The following GPR55 variants were observed in gnomAD, a reference collection of about 807,000 sequenced individuals.
GPR55 encodes G protein-coupled receptor 55.
GPR55 carries 6 observed loss-of-function variants against 7.9 expected under a neutral mutation model. The ratio of observed to expected loss-of-function variants is 0.76; its 90% CI spans 0.41 to 1.49. GPR55 has a LOEUF of 1.49. GPR55 is among the 40% of genes most tolerant of loss of function. The pLI is 0.01. For synonymous variants in GPR55, 183 were observed against 166.8 expected (o/e 1.10, Z -0.75); for missense variants, 376 against 406.0 (o/e 0.93, Z 0.63).
chr2:230,942,749 G>A (rs1294207828), intron 1 of GPR55, among the ~76,000 whole-genome samples: 1 of 151,910 alleles, frequency 6.6e-6, no homozygotes, highest in Non-Finnish European at 1.5e-5. Context: ...AGAAGGGCCC[G>A]ATGGGGAGGG....
At chr2:230,949,389 C>T (rs946789437) in intron 1 of GPR55, among the ~76,000 whole-genome samples, 1 of 152,178 alleles carries the variant, frequency 6.6e-6, no homozygotes, top group African/African-American at 2.4e-5. Flanking sequence ...GTTTCGAACT[C>T]CTGAACTTGC....
intron 1 of GPR55, among the ~76,000 whole-genome samples, chr2:230,917,110 T>A (rs1690734023): frequency 1.3e-5 from 2 of 152,198 alleles, no homozygotes. Context: ...AGAAGCTTAT[T>A]TTTATAGAAT....
At chr2:230,920,990 C>A (rs532417635) in intron 1 of GPR55, among the ~76,000 whole-genome samples, 1 of 152,050 alleles carries the variant, frequency 6.6e-6, no homozygotes, top group East Asian at 1.9e-4. Context: ...AAAATGATAG[C>A]ATAATCTTTG....
At chr2:230,913,742 C>T (rs193267935) in intron 1 of GPR55, among the ~76,000 whole-genome samples, 11 of 152,232 alleles carry the variant, frequency 7.2e-5, no homozygotes, top group Admixed American at 6.5e-5. Context: ...TAGCTTGGAA[C>T]TCACAAGGCA....
intron 1 of GPR55, among the ~76,000 whole-genome samples, chr2:230,948,100 G>T (rs6714253): frequency 6.6e-6 from 1 of 151,150 alleles, no homozygotes; most frequent in Non-Finnish European, 1.5e-5. Flanking sequence ...TGCCACCGCC[G>T]CCCACCCCCT....
chr2:230,947,630 C>G (rs557022278), intron 1 of GPR55, among the ~76,000 whole-genome samples: 1 of 151,526 alleles, frequency 6.6e-6, no homozygotes, highest in Non-Finnish European at 1.5e-5. Flanking sequence ...CAGCCTCCCA[C>G]GTAGCTGGGA....
At chr2:230,947,161 G>T (rs912237546) in intron 1 of GPR55, among the ~76,000 whole-genome samples, 5 of 152,160 alleles carry the variant, frequency 3.3e-5, no homozygotes, top group Non-Finnish European at 7.3e-5. Flanking sequence ...CTATGGGTGT[G>T]GGAACCTGCC....
chr2:230,949,187 G>A (rs1386563698), intron 1 of GPR55, among the ~76,000 whole-genome samples: 4 of 142,752 alleles, frequency 2.8e-5, no homozygotes, highest in Admixed American at 2.1e-4. Flanking sequence ...TCTTTGAGAC[G>A]GAGTTTCACT....
chr2:230,949,157 G>GTTTGTTTT (rs1011074602), intron 1 of GPR55, among the ~76,000 whole-genome samples: 1 of 151,596 alleles, frequency 6.6e-6, no homozygotes, highest in African/African-American at 2.4e-5. Flanking sequence ...CTCTTTTTTT[G>GTTTGTTTT]TTTGTTTGTT....
At chr2:230,951,033 C>A (rs905158873) in intron 1 of GPR55, among the ~76,000 whole-genome samples, 2 of 152,174 alleles carry the variant, frequency 1.3e-5, no homozygotes, top group Non-Finnish European at 2.9e-5. Context: ...TCCTTTGTAA[C>A]ATCCTTTAGA....
chr2:230,913,678 T>A (rs1690646163), intron 1 of GPR55, among the ~76,000 whole-genome samples: 1 of 152,158 alleles, frequency 6.6e-6, no homozygotes, highest in Non-Finnish European at 1.5e-5. Context: ...GGTGGCCGCC[T>A]CCTCACTAAA....
chr2:230,930,536 C>T (rs1376917484), intron 1 of GPR55, among the ~76,000 whole-genome samples: 1 of 151,466 alleles, frequency 6.6e-6, no homozygotes, highest in Non-Finnish European at 1.5e-5. Flanking sequence ...CTGCAACCTT[C>T]GTTTCCTGGG....
At chr2:230,915,617 AT>A (rs1213208160) in intron 1 of GPR55, among the ~76,000 whole-genome samples, 1 of 152,226 alleles carries the variant, frequency 6.6e-6, no homozygotes, top group Non-Finnish European at 1.5e-5. Context: ...ATGAAGCGCC[AT>A]GTTTCATGCA....
intron 1 of GPR55, among the ~76,000 whole-genome samples, chr2:230,915,232 C>T (rs1003759199): frequency 1.3e-5 from 2 of 152,160 alleles, no homozygotes; most frequent in African/African-American, 4.8e-5. Flanking sequence ...TCTGGAATTC[C>T]GGGGAGGTCT....
chr2:230,913,497 A>G lies in GPR55; in HGVS notation c.-134-2401T>C, dbSNP rs901706901. ...GATTTGGTGGCTTTCCAAAGATTCT[A>G]TGGTTTCCAATGTGTTAACTTTTCT... On this transcript the variant is annotated intron_variant, in intron 1 of 1. Coordinates refer to ENST00000650999, the MANE Select transcript of GPR55 (RefSeq NM_005683.4). 9.2e-5 allele frequency among the ~76,000 whole-genome samples: 14 copies of G among 152,340 alleles called. No individual in the cohort carries two copies. In the East Asian group the frequency reaches 9.6e-4, roughly 10 times the overall value.
At chr2:230,941,103 C>A (rs1008271727) in intron 1 of GPR55, among the ~76,000 whole-genome samples, 1 of 151,384 alleles carries the variant, frequency 6.6e-6, no homozygotes, top group East Asian at 2.0e-4. Flanking sequence ...GGCGACAGAG[C>A]AAGACTCCAT....
chr2:230,926,942 C>T (rs534462390), upstream of GPR55, among the ~76,000 whole-genome samples: 17 of 152,168 alleles, frequency 1.1e-4, no homozygotes, highest in South Asian at 3.1e-3. Context: ...TCACCCACCT[C>T]GGCCTCCCAA....
chr2:230,929,297 G>T (rs917688177), upstream of GPR55, among the ~76,000 whole-genome samples: 5 of 152,136 alleles, frequency 3.3e-5, no homozygotes, highest in Admixed American at 3.3e-4. Context: ...AAGACAGGAA[G>T]GTGCGTGCCC....
intron 1 of GPR55, among the ~76,000 whole-genome samples, chr2:230,922,378 A>ATTTG (rs1381525306): frequency 6.6e-6 from 1 of 151,436 alleles, no homozygotes; most frequent in Non-Finnish European, 1.5e-5. Context: ...CAATGTGCTG[A>ATTTG]TTTGTTTGTT....
Sources: gnomAD v4.1 joint callset for allele counts (sites outside exome capture counted in the v4.1 genomes callset) on GRCh38, gnomAD v4.1.1 for gene constraint, MANE v1.5 for transcripts, NCBI Gene and HGNC (gene_info 2026-07-23, HGNC 2026-07-21) for gene names.